SNX24: variants seen among roughly 807,000 people sequenced by gnomAD.
SNX24 encodes the protein sorting nexin 24, also known as sorting nexin-24.
In SNX24, 22 loss-of-function variants were observed where a neutral mutation model predicts 28.7. The observed-to-expected ratio is 0.77, with a 90% confidence interval of 0.55 to 1.10. The LOEUF (loss-of-function observed/expected upper bound fraction) is 1.10. Ranked by LOEUF, SNX24 falls within the 50% of genes least tolerant of loss-of-function variation. The pLI, the probability that SNX24 is intolerant of heterozygous loss-of-function variation, is 0.00. For synonymous variants in SNX24, 69 were observed against 71.5 expected (o/e 0.96, Z 0.18); for missense variants, 221 against 201.1 (o/e 1.10, Z -0.60).
intron 6 of SNX24, 23 bp from the exon 7 acceptor site, chr5:123,007,659 C>CTTTTTTTTTTTCT: frequency 2.6e-6 from 3 of 1,153,062 alleles, no homozygotes; most frequent in East Asian, 3.1e-5. Flanking sequence ...TTTTTTTTTT[C>CTTTTTTTTTTTCT]TTTTTTTTTT....
At chr5:122,907,911 T>C (rs1405908448) in intron 1 of SNX24, among the ~76,000 whole-genome samples, 1 of 152,150 alleles carries the variant, frequency 6.6e-6, no homozygotes, top group Non-Finnish European at 1.5e-5. Context: ...TTTTTAATTT[T>C]CTTTTAAGGA....
chr5:122,889,693 G>A (rs1287837141), intron 1 of SNX24, among the ~76,000 whole-genome samples: 2 of 136,382 alleles, frequency 1.5e-5, no homozygotes, highest in African/African-American at 5.6e-5. Flanking sequence ...ATATGTATAT[G>A]TATGTGTATA....
chr5:122,981,067 A>G (rs1322735047), intron 3 of SNX24, among the ~76,000 whole-genome samples: 1 of 152,182 alleles, frequency 6.6e-6, no homozygotes, highest in Non-Finnish European at 1.5e-5. Flanking sequence ...TTGCATGCCA[A>G]AGTATTGATT....
chr5:122,898,288 A>G (rs1396729189), intron 1 of SNX24, among the ~76,000 whole-genome samples: 2 of 152,260 alleles, frequency 1.3e-5, no homozygotes, highest in African/African-American at 4.8e-5. Context: ...CGTAATAAAA[A>G]TGAAGATGTG....
At chr5:122,952,795 G>A (rs549126391) in intron 3 of SNX24, among the ~76,000 whole-genome samples, 2 of 152,316 alleles carry the variant, frequency 1.3e-5, no homozygotes, top group Admixed American at 6.5e-5. Context: ...AAGAACACAT[G>A]AGAGTTCTTA....
intron 1 of SNX24, among the ~76,000 whole-genome samples, chr5:122,910,572 C>A (rs1757836913): frequency 6.7e-6 from 1 of 149,582 alleles, no homozygotes; most frequent in African/African-American, 2.5e-5. Flanking sequence ...CACCCATTAA[C>A]TCGTCATTTA....
chr5:122,923,918 GT>G (rs1160610399), intron 1 of SNX24, among the ~76,000 whole-genome samples: 1 of 152,202 alleles, frequency 6.6e-6, no homozygotes, highest in Non-Finnish European at 1.5e-5. Context: ...CACTTTTAAA[GT>G]TTTTTGATCT....
intron 3 of SNX24, among the ~76,000 whole-genome samples, chr5:122,963,194 A>G (rs1479936129): frequency 6.6e-6 from 1 of 152,238 alleles, no homozygotes; most frequent in Non-Finnish European, 1.5e-5. Context: ...AGATTGTGCC[A>G]CTGCACTCCA....
At chr5:122,860,392 G>A (rs1228781318) in intron 1 of SNX24, among the ~76,000 whole-genome samples, 1 of 152,096 alleles carries the variant, frequency 6.6e-6, no homozygotes, top group African/African-American at 2.4e-5. Flanking sequence ...TGCTTTATGT[G>A]TGTAAGTTCC....
intron 1 of SNX24, among the ~76,000 whole-genome samples, chr5:122,922,280 TCTCA>T (rs1409939475): frequency 6.6e-6 from 1 of 152,140 alleles, no homozygotes; most frequent in Admixed American, 6.6e-5. Context: ...TGAGACAGGG[TCTCA>T]CTCTGTCACC....
At chr5:122,913,466 G>C (rs567561329) in intron 1 of SNX24, among the ~76,000 whole-genome samples, 1 of 151,986 alleles carries the variant, frequency 6.6e-6, no homozygotes, top group Non-Finnish European at 1.5e-5. Flanking sequence ...CCTTCCGGAC[G>C]GGGTGGCTGC....
rs372246636 is a variant in SNX24, at chr5:122,930,785, A to C, written c.61-5949A>C. The stretch of plus-strand genomic sequence containing the variant: ...TGAATTTTCTTTCGAAAGCAGAATC[A>C]TATCAATACACACACACATACATTT... On this transcript the variant is annotated intron_variant, in intron 1 of 6. Coordinates refer to ENST00000261369, the MANE Select transcript of SNX24 (RefSeq NM_014035.4). Among the ~76,000 whole-genome samples, 4 of 152,100 alleles carry C rather than the reference A, an allele frequency of 2.6e-5. No individual in the cohort carries two copies. The East Asian group carries it at 7.7e-4, about 29-fold the overall frequency.
chr5:122,848,845 G>A (rs1481694105), intron 1 of SNX24, among the ~76,000 whole-genome samples: 2 of 152,052 alleles, frequency 1.3e-5, no homozygotes, highest in African/African-American at 2.4e-5. Flanking sequence ...AAAGTTTCTG[G>A]GTGTATCTTA....
intron 6 of SNX24, among the ~76,000 whole-genome samples, chr5:123,005,347 C>A (rs1255063446): frequency 4.6e-5 from 7 of 152,142 alleles, no homozygotes; most frequent in Non-Finnish European, 1.0e-4. Flanking sequence ...CCCGGACACC[C>A]TCCCAGCGGG....
rs758351114 is a variant in SNX24 at position 122,946,053 on chromosome 5, A to G, written c.145-2A>G. On this transcript the variant is annotated splice_acceptor_variant, in intron 2 of 6. Coordinates refer to ENST00000261369, the MANE Select transcript of SNX24 (RefSeq NM_014035.4). LOFTEE classifies it high-confidence loss of function. ...TTTTCTTTTCCTATTCTGTCTTTAT[A>G]GCTTAAGAAATGTATAAAAACTCCA... 1 of 1,462,922 alleles carries G rather than the reference A, an allele frequency of 6.8e-7. No homozygotes were observed. Among genetic ancestry groups the G allele is most frequent in the Admixed American group, 1.9e-5 (1 of 53,052 alleles). 90.6% of individuals were successfully genotyped at this position (1,462,922 alleles called of 1,614,324 possible).
intron 1 of SNX24, among the ~76,000 whole-genome samples, chr5:122,895,593 G>C (rs1561560902): frequency 6.6e-6 from 1 of 152,138 alleles, no homozygotes; most frequent in Non-Finnish European, 1.5e-5. Context: ...GGGCTGGAGG[G>C]TGATGAATTA....
chr5:122,936,776 G>C lies in SNX24; in HGVS notation c.103G>C (p.Val35Leu). The C allele has an allele frequency of 2.5e-6, 4 of 1,608,090 alleles. No homozygotes were observed. Among genetic ancestry groups the C allele is most frequent in the Non-Finnish European group, 3.4e-6 (4 of 1,175,888 alleles). The change falls in exon 2 of 7, where the codon GTT (valine) becomes CTT (leucine). Residue 35 changes from valine to leucine, a missense_variant. Coordinates refer to ENST00000261369, the MANE Select transcript of SNX24 (RefSeq NM_014035.4). ...EVLMNGRKHF[V>L]EKRYSEFHAL... ...GCTAATGAATGGAAGAAAACATTTT[G>C]TTGAAAAGAGATACAGCGAATTTCA... is the stretch of plus-strand genomic sequence containing the variant.
At chr5:123,023,439 A>G (rs980589450) in intron 5 of SNX24, 1 of 152,774 alleles carries the variant, frequency 6.5e-6, no homozygotes, top group African/African-American at 2.4e-5. Flanking sequence ...TCAGAAAGAA[A>G]TCCCTATGAC....
intron 3 of SNX24, among the ~76,000 whole-genome samples, chr5:122,963,730 A>C (rs1760581790): frequency 6.6e-6 from 1 of 152,206 alleles, no homozygotes; most frequent in African/African-American, 2.4e-5. Context: ...ACTCCAGTTT[A>C]ATCCAAGGAA....
Sources: gnomAD v4.1 joint callset for allele counts (sites outside exome capture counted in the v4.1 genomes callset) on GRCh38, gnomAD v4.1.1 for gene constraint, MANE v1.5 for transcripts, NCBI Gene and HGNC (gene_info 2026-07-23, HGNC 2026-07-21) for gene names.